The following UVSSA variants were observed in gnomAD, a reference collection of about 807,000 sequenced individuals.
The protein encoded by UVSSA is UV stimulated scaffold protein A, also known as UV-stimulated scaffold protein A.
A neutral mutation model predicts 73.9 loss-of-function variants in UVSSA; 72 were observed. The observed-to-expected ratio is 0.97, with a 90% CI of 0.81 to 1.19. The LOEUF is 1.19. UVSSA is among the 50% of genes most tolerant of loss of function. UVSSA has a pLI of 0.00. For missense variants in UVSSA, 1,150 were observed against 965.0 expected (o/e 1.19, Z -2.54); for synonymous variants, 454 against 391.3 (o/e 1.16, Z -1.89).
chr4:1,354,974 C>T (rs1715468532), intron 6 of UVSSA, 127 bp downstream of exon 6: 1 of 1,527,482 alleles, frequency 6.5e-7, no homozygotes, highest in Admixed American at 2.0e-5. Context: ...AGGGCTCTGT[C>T]CCTCACCCGC....
chr4:1,350,934 C>T (rs1714624945), intron 3 of UVSSA, among the ~76,000 whole-genome samples: 1 of 152,196 alleles, frequency 6.6e-6, no homozygotes, highest in Admixed American at 6.6e-5. Flanking sequence ...GAGACAGGGT[C>T]TTGGTTTGTC....
intron 4 of UVSSA, among the ~76,000 whole-genome samples, chr4:1,352,494 A>G (rs1459782952): frequency 1.3e-5 from 2 of 152,230 alleles, no homozygotes; most frequent in African/African-American, 4.8e-5. Flanking sequence ...GAGGTGTGGC[A>G]TGAACGAGGC....
At chr4:1,390,566 G>A (rs1413005894), downstream of UVSSA, 3 of 152,246 alleles carry the variant, frequency 2.0e-5, no homozygotes, top group Non-Finnish European at 4.4e-5. Flanking sequence ...TTACAAGCAT[G>A]AGCTACCATA....
intron 8 of UVSSA, among the ~76,000 whole-genome samples, chr4:1,368,405 G>A (rs1229634631): frequency 1.3e-5 from 2 of 152,220 alleles, no homozygotes; most frequent in Non-Finnish European, 2.9e-5. Flanking sequence ...AAACTCAAAC[G>A]AGGTGACTTT....
intron 8 of UVSSA, 126 bp from the exon 9 acceptor site, chr4:1,375,238 C>T: frequency 1.4e-6 from 2 of 1,469,790 alleles, no homozygotes; most frequent in Non-Finnish European, 1.8e-6. Flanking sequence ...TAGCAGGCAC[C>T]CACCTCGGGA....
chr4:1,393,613 GATAGGATAA>G (rs1331900349), exon 14 of UVSSA: 2 of 151,534 alleles, frequency 1.3e-5, no homozygotes, highest in East Asian at 3.9e-4. Context: ...TAGATAGATA[GATAGGATAA>G]GATAAGATAG....
chr4:1,347,883 T>C (rs1339377868), intron 1 of UVSSA, 123 bp downstream of exon 1: 1 of 564,208 alleles, frequency 1.8e-6, no homozygotes, highest in Non-Finnish European at 3.2e-6. Context: ...GGTCCCGAGT[T>C]TAAGGTTCAC....
intron 7 of UVSSA, among the ~76,000 whole-genome samples, chr4:1,358,891 A>G (rs1577315713): frequency 6.6e-6 from 1 of 152,206 alleles, no homozygotes; most frequent in African/African-American, 2.4e-5. Flanking sequence ...AGAACTTCCA[A>G]CTAACATGTA....
downstream of UVSSA, chr4:1,389,207 T>G (rs1720343459): frequency 6.6e-6 from 1 of 152,204 alleles, no homozygotes; most frequent in Non-Finnish European, 1.5e-5. Flanking sequence ...AAAAAAAATT[T>G]TTTTAACTGA....
chr4:1,394,320 T>C, exon 14 of UVSSA: 2 of 1,023,518 alleles, frequency 2.0e-6, no homozygotes, highest in Middle Eastern at 3.2e-4. Context: ...CTAAGTTTTG[T>C]GTTCTACTTA....
chr4:1,384,148 G>A (rs1348948909), intron 13 of UVSSA: 14 of 626,662 alleles, frequency 2.2e-5, no homozygotes, highest in Admixed American at 3.1e-5. Context: ...GCTCAGGAAC[G>A]CCCCCCAGCA....
In UVSSA at chr4:1,380,884, C is replaced by G; in HGVS notation, c.1757C>G (p.Pro586Arg). The change falls in exon 12 of 14, where the codon CCT becomes CGT. Residue 586 changes from proline (P) to arginine (R), a missense_variant. Transcript: ENST00000389851. ...CACCGTGTCCTCGCTGTGCAGTGCCCTTTCCATGGGAAGATTGTTCCACGG... is the reference window on the plus strand; with the variant it reads ...CACCGTGTCCTCGCTGTGCAGTGCCGTTTCCATGGGAAGATTGTTCCACGG... The part of the protein sequence containing the change: ...LCERQDRLKC[P>R]FHGKIVPRDD... 6.2e-7 allele frequency: 1 copy of G among 1,612,848 alleles called. No homozygotes were observed. The highest frequency in any genetic ancestry group is 8.5e-7 in the Non-Finnish European group (1 of 1,179,826).
chr4:1,345,175 G>A (rs1713574560), upstream of UVSSA, among the ~76,000 whole-genome samples: 1 of 152,206 alleles, frequency 6.6e-6, no homozygotes, highest in Non-Finnish European at 1.5e-5. Context: ...ACCTGCTGCA[G>A]GGGTGGCCAG....
At chr4:1,361,341 C>G (rs1356971781) in intron 7 of UVSSA, among the ~76,000 whole-genome samples, 1 of 152,184 alleles carries the variant, frequency 6.6e-6, no homozygotes, top group African/African-American at 2.4e-5. Context: ...CTGGGTTAGA[C>G]GAGAATGGGA....
chr4:1,395,570 G>C (rs1430875906), exon 14 of UVSSA: 2 of 1,598,026 alleles, frequency 1.3e-6, no homozygotes, highest in Non-Finnish European at 1.7e-6. Context: ...GTGCCCGCCT[G>C]CTCACACGTG....
At position 1,379,078 on chromosome 4, in the gene UVSSA, C is replaced by T. The variant is rs556414755; in HGVS notation, c.1569-969C>T. Among the ~76,000 whole-genome samples the T allele has an allele frequency of 1.3e-4, 20 of 150,894 alleles. 1 individual carries two copies. The South Asian group carries it at 3.1e-3, about 24-fold the overall frequency. ...CCTGTCTGTGGACCTGGGGTGAGGG[C>T]GGGGCTGCTGGGCTCTGCTCCTCCA... is the stretch of plus-strand genomic sequence containing the variant. On this transcript the variant is annotated intron_variant, in intron 10 of 13. Coordinates refer to ENST00000389851, the MANE Select transcript of UVSSA (RefSeq NM_020894.4).
Position 1,351,848 on chromosome 4 carries a change from G to A in UVSSA, c.550+13G>A. The A allele has an allele frequency of 6.2e-7, 1 of 1,612,096 alleles. No individual in the cohort carries two copies. The highest frequency in any genetic ancestry group is 8.5e-7 in the Non-Finnish European group (1 of 1,178,910). ...AGGGAGATGCAAGGCAAGTGTCCAG[G>A]ACGGAGGGAGGGGCCCACGCCTCTG... On this transcript the variant is annotated intron_variant, in intron 4 of 13. Transcript: ENST00000389851.
rs572109541 is a variant in UVSSA at position 1,365,810 on chromosome 4, C to T, written c.1177-510C>T. Among the ~76,000 whole-genome samples the T allele has an allele frequency of 7.2e-4, 109 of 151,260 alleles. 1 individual carries two copies. Among genetic ancestry groups the T allele is most frequent in the African/African-American group, 2.6e-3 (108 of 41,184 alleles). Reference sequence around the variant, plus strand: ...GGTGGGAAGATAACTCACCTAAGCCCCGGGGGCACCGCAGACGCACCTGCT... The same window carrying T: ...GGTGGGAAGATAACTCACCTAAGCCTCGGGGGCACCGCAGACGCACCTGCT... On this transcript the variant is annotated intron_variant, in intron 7 of 13. Transcript: ENST00000389851.
intron 11 of UVSSA, 34 bp from the exon 12 acceptor site, chr4:1,380,846 C>T: frequency 6.2e-7 from 1 of 1,602,696 alleles, no homozygotes; most frequent in Non-Finnish European, 8.5e-7. Flanking sequence ...GCGGACCCCT[C>T]CCCGCCATCA....
Sources: gnomAD v4.1 joint callset for allele counts (sites outside exome capture counted in the v4.1 genomes callset) on GRCh38, gnomAD v4.1.1 for gene constraint, MANE v1.5 for transcripts, NCBI Gene and HGNC (gene_info 2026-07-23, HGNC 2026-07-21) for gene names.